CIB3: variants seen among roughly 807,000 people sequenced by gnomAD.
CIB3 encodes the protein calcium and integrin-binding family member 3.
In CIB3, 22 loss-of-function variants were observed where a neutral mutation model predicts 23.4. The ratio of observed to expected loss-of-function variants is 0.94; its 90% CI spans 0.67 to 1.34. The LOEUF is 1.34. Ranked by LOEUF, CIB3 falls within the 40% of genes most tolerant of loss-of-function variation. The probability of loss-of-function intolerance (pLI) is 0.00; values close to 1 mark genes in which losing one functional copy is unlikely to be tolerated. For synonymous variants in CIB3, 93 were observed against 95.8 expected, an observed-to-expected ratio of 0.97 and a Z score of 0.17; for missense variants, 258 against 247.3, an observed-to-expected ratio of 1.04 and a Z score of -0.29.
chr19:16,169,201 T>C (rs2091317797), intron 3 of CIB3, among the ~76,000 whole-genome samples: 1 of 152,164 alleles, frequency 6.6e-6, no homozygotes, highest in Non-Finnish European at 1.5e-5. Context: ...TGGAGTACTG[T>C]GGCTAGATCT....
At chr19:16,168,364 C>T (rs1167995620) in intron 3 of CIB3, 80 bp from the exon 4 acceptor site, 50 of 1,556,078 alleles carry the variant, frequency 3.2e-5, no homozygotes, top group Non-Finnish European at 4.3e-5. Flanking sequence ...CTATCAGCAC[C>T]CACCTTCTGG....
intron 4 of CIB3, among the ~76,000 whole-genome samples, chr19:16,167,077 C>T (rs564398347): frequency 6.6e-6 from 1 of 152,182 alleles, no homozygotes; most frequent in South Asian, 2.1e-4. Context: ...ATTAGTCAGG[C>T]GTTGTGGCAG....
chr19:16,163,663 A>T (rs1376008121), intron 5 of CIB3, among the ~76,000 whole-genome samples: 4 of 152,248 alleles, frequency 2.6e-5, no homozygotes, highest in Non-Finnish European at 5.9e-5. Context: ...TAAAAATTAT[A>T]AGATAATAAT....
intron 1 of CIB3, 42 bp from the exon 2 acceptor site, chr19:16,173,238 G>A (rs912079057): frequency 6.2e-7 from 1 of 1,613,622 alleles, no homozygotes; most frequent in African/African-American, 1.3e-5. Flanking sequence ...CCTGCCTCTG[G>A]GGCCTCCTCC....
rs777269430 is a variant in CIB3 at position 16,169,664 on chromosome 19, G to A, written c.164C>T (p.Pro55Leu). 6 of 1,613,840 alleles carry A rather than the reference G, an allele frequency of 3.7e-6. No individual in the cohort carries two copies. In the East Asian group the frequency reaches 8.9e-5, roughly 24 times the overall value. The change falls in exon 3 of 6, where the codon CCC becomes CTC. Residue 55 changes from proline (P) to leucine (L), a missense_variant. Physicochemically the swap from Pro to Leu is moderately conservative, Grantham distance 98 (BLOSUM62 -3). Transcript: ENST00000269878. The stretch of plus-strand genomic sequence containing the variant: ...GGGCATGCTGCCAATGAGCTCGTAG[G>A]GCACCTTCACATCGGGGCAGGTGGT... ...DYTTCPDVKV[P>L]YELIGSMPEL... is the part of the protein sequence containing the mutation.
chr19:16,167,988 A>G, intron 4 of CIB3, 149 bp downstream of exon 4: 1 of 960,902 alleles, frequency 1.0e-6, no homozygotes, highest in Non-Finnish European at 1.5e-6. Context: ...CAAATAAATG[A>G]GGTGGGGAGG....
intron 5 of CIB3, among the ~76,000 whole-genome samples, chr19:16,163,598 T>G (rs1171452860): frequency 2.0e-5 from 3 of 152,080 alleles, no homozygotes; most frequent in African/African-American, 7.2e-5. Context: ...GTGTACCCCA[T>G]GAATATGTAC....
At chr19:16,165,002 G>T in intron 4 of CIB3, 89 bp from the exon 5 acceptor site, 3 of 1,172,430 alleles carry the variant, frequency 2.6e-6, no homozygotes, top group South Asian at 1.3e-5. Flanking sequence ...TTACAAGAAG[G>T]GGAAACTAAG....
chr19:16,163,140 T>A (rs566827796), intron 5 of CIB3, among the ~76,000 whole-genome samples: 37 of 151,976 alleles, frequency 2.4e-4, no homozygotes, highest in Non-Finnish European at 5.0e-4. Context: ...CTCGGCCCCG[T>A]AGTCCCAGCT....
At chr19:16,162,773 A>T (rs191359493) in intron 5 of CIB3, among the ~76,000 whole-genome samples, 2,152 of 152,080 alleles carry the variant, frequency 0.014, 29 homozygotes, top group Middle Eastern at 0.034. Flanking sequence ...AAAATAAAAT[A>T]AATTAATTAA....
rs550804341 is a variant in CIB3 at position 16,165,016 on chromosome 19, G to A, written c.347-103C>T. On this transcript the variant is annotated intron_variant, in intron 4 of 5. Transcript: ENST00000269878. ...GTTACAAGAAGGGGAAACTAAGGTC[G>A]GGCACGGTGGCTCACGCCTGTAATC... is the stretch of plus-strand genomic sequence containing the variant. 33 of 997,720 alleles carry A rather than the reference G, an allele frequency of 3.3e-5. No individual in the cohort carries two copies. The Admixed American group carries it at 3.4e-4, about 10-fold the overall frequency. 61.8% of individuals were successfully genotyped at this position (997,720 alleles called of 1,614,324 possible).
At chr19:16,162,921 C>T (rs114821005) in intron 5 of CIB3, among the ~76,000 whole-genome samples, 1,394 of 125,850 alleles carry the variant, frequency 0.011, 27 homozygotes, top group African/African-American at 0.041. Context: ...GACAGAGTCT[C>T]GCTCAAGCTG....
chr19:16,170,897 G>A (rs1197966720), intron 2 of CIB3, among the ~76,000 whole-genome samples: 2 of 151,762 alleles, frequency 1.3e-5, no homozygotes, highest in African/African-American at 4.8e-5. Context: ...CCAGCACTTT[G>A]AGAGGCCGAG....
At chr19:16,162,871 T>TTTTTCTTTTC (rs1222151696) in intron 5 of CIB3, among the ~76,000 whole-genome samples, 5 of 122,094 alleles carry the variant, frequency 4.1e-5, no homozygotes, top group Non-Finnish European at 3.6e-5. Flanking sequence ...TTTTATTTCT[T>TTTTTCTTTTC]TTTTCTTTTC....
In CIB3 at chr19:16,161,619, T is replaced by C; in HGVS notation, c.543-133A>G. ...GCCACATGGACCCCTCAAACAACCC[T>C]AGGCCGGGAGACCCCTACAGGGGCT... On this transcript the variant is annotated intron_variant, in intron 5 of 5. Coordinates refer to ENST00000269878, the MANE Select transcript of CIB3 (RefSeq NM_054113.4). 19 of 818,766 alleles carry C rather than the reference T, an allele frequency of 2.3e-5. No individual in the cohort carries two copies. The South Asian group carries it at 2.6e-4, about 11-fold the overall frequency. The allele number at this position is 818,766 out of a possible 1,614,324, so 50.7% of individuals were successfully genotyped here.
intron 4 of CIB3, 129 bp downstream of exon 4, chr19:16,168,008 G>T (rs1408568076): frequency 7.7e-6 from 9 of 1,163,812 alleles, no homozygotes; most frequent in Non-Finnish European, 1.1e-5. Flanking sequence ...GCATTGGAGT[G>T]GGGTGGAGGA....
intron 4 of CIB3, among the ~76,000 whole-genome samples, chr19:16,167,618 G>C (rs145637704): frequency 1.9e-3 from 289 of 152,176 alleles, no homozygotes; most frequent in African/African-American, 6.7e-3. Flanking sequence ...GATCACCCGA[G>C]GTCAAGAGTT....
chr19:16,163,250 C>A (rs2091292636), intron 5 of CIB3, among the ~76,000 whole-genome samples: 1 of 152,068 alleles, frequency 6.6e-6, no homozygotes, highest in Admixed American at 6.6e-5. Flanking sequence ...CTGAGTGAGA[C>A]CCTGTCTCAA....
At chr19:16,166,089 C>G (rs992527197) in intron 4 of CIB3, among the ~76,000 whole-genome samples, 2 of 152,056 alleles carry the variant, frequency 1.3e-5, no homozygotes, top group Non-Finnish European at 2.9e-5. Context: ...GTCAGGAGTT[C>G]CAGGCCAGCC....
Sources: gnomAD v4.1 joint callset for allele counts (sites outside exome capture counted in the v4.1 genomes callset) on GRCh38, gnomAD v4.1.1 for gene constraint, MANE v1.5 for transcripts, NCBI Gene and HGNC (gene_info 2026-07-23, HGNC 2026-07-21) for gene names.